Variants in TNFAIP8 observed in about 807,000 individuals in gnomAD.
The protein encoded by TNFAIP8 is TNF alpha induced protein 8, also known as tumor necrosis factor alpha-induced protein 8.
A neutral mutation model predicts 13.3 loss-of-function variants in TNFAIP8; 7 were observed. That is an observed-to-expected ratio of 0.52 (90% CI 0.30 to 0.99). The LOEUF is 0.99. Among genes scored for constraint, TNFAIP8 ranks in the 50% least tolerant of loss-of-function variants. The probability of loss-of-function intolerance (pLI) is 0.07; values close to 1 mark genes in which losing one functional copy is unlikely to be tolerated. For missense variants in TNFAIP8, 258 were observed against 236.9 expected, an observed-to-expected ratio of 1.09 and a Z score of -0.58; for synonymous variants, 94 against 87.6, an observed-to-expected ratio of 1.07 and a Z score of -0.41.
At chr5:119,303,816 A>G (rs1443573794) in intron 1 of TNFAIP8, among the ~76,000 whole-genome samples, 24 of 152,212 alleles carry the variant, frequency 1.6e-4, no homozygotes, top group Admixed American at 1.6e-3. Context: ...AGTAAGAAGT[A>G]AATATGAAAC....
At chr5:119,325,012 T>A (rs2112695747) in intron 1 of TNFAIP8, among the ~76,000 whole-genome samples, 1 of 152,172 alleles carries the variant, frequency 6.6e-6, no homozygotes, top group East Asian at 1.9e-4. Flanking sequence ...GGCAGGAGAA[T>A]TGCTTGAGGC....
chr5:119,303,373 C>G (rs1374156035), intron 1 of TNFAIP8, among the ~76,000 whole-genome samples: 1 of 152,124 alleles, frequency 6.6e-6, no homozygotes, highest in Non-Finnish European at 1.5e-5. Context: ...GGTGTTTCAC[C>G]TCCTTCCTTC....
At chr5:119,373,159 A>G (rs1450713165) in intron 1 of TNFAIP8, among the ~76,000 whole-genome samples, 5 of 152,146 alleles carry the variant, frequency 3.3e-5, no homozygotes, top group Non-Finnish European at 7.3e-5. Context: ...AACCATACCC[A>G]ACCCCTTTTC....
At chr5:119,362,340 G>A (rs1278308314) in intron 1 of TNFAIP8, among the ~76,000 whole-genome samples, 1 of 152,194 alleles carries the variant, frequency 6.6e-6, no homozygotes, top group East Asian at 1.9e-4. Flanking sequence ...AGTGGTACAT[G>A]GGGCCAGTCT....
chr5:119,268,807 C>A (rs372970151), exon 1 of TNFAIP8: 5 of 697,970 alleles, frequency 7.2e-6, no homozygotes, highest in East Asian at 5.4e-5. Context: ...TGGCTAAGGT[C>A]CGCGGGAACC....
intron 1 of TNFAIP8, among the ~76,000 whole-genome samples, chr5:119,317,633 C>T (rs1749938055): frequency 6.6e-6 from 1 of 151,062 alleles, no homozygotes; most frequent in East Asian, 1.9e-4. Context: ...GAGTCTCACT[C>T]TCTTGCCCAG....
At chr5:119,332,957 C>G (rs1728941306) in intron 1 of TNFAIP8, among the ~76,000 whole-genome samples, 1 of 152,164 alleles carries the variant, frequency 6.6e-6, no homozygotes. Context: ...TGTCCAAACT[C>G]TATTCTTAGT....
intron 1 of TNFAIP8, among the ~76,000 whole-genome samples, chr5:119,278,022 G>A (rs959058297): frequency 6.6e-6 from 1 of 152,170 alleles, no homozygotes; most frequent in African/African-American, 2.4e-5. Context: ...TATGAATTTT[G>A]AGGGGAGATA....
chr5:119,314,007 ATAAAATCTAG>A (rs1749808817), intron 1 of TNFAIP8, among the ~76,000 whole-genome samples: 1 of 152,254 alleles, frequency 6.6e-6, no homozygotes, highest in African/African-American at 2.4e-5. Context: ...TGCAACTAGC[ATAAAATCTAG>A]TAGAGGCAGC....
intron 1 of TNFAIP8, among the ~76,000 whole-genome samples, chr5:119,312,154 T>A (rs1273866492): frequency 6.6e-6 from 1 of 151,836 alleles, no homozygotes; most frequent in African/African-American, 2.4e-5. Flanking sequence ...GGAAAAAAAA[T>A]AACCAAATTA....
chr5:119,376,890 CT>C (rs549440027), intron 1 of TNFAIP8, among the ~76,000 whole-genome samples: 12 of 152,162 alleles, frequency 7.9e-5, no homozygotes, highest in Non-Finnish European at 1.3e-4. Flanking sequence ...CAAATGTCGC[CT>C]TTTCGGAAAG....
At chr5:119,272,789 C>T (rs182564055) in intron 1 of TNFAIP8, among the ~76,000 whole-genome samples, 1 of 152,228 alleles carries the variant, frequency 6.6e-6, no homozygotes, top group East Asian at 1.9e-4. Context: ...GGGTGTGTGC[C>T]AAAAAGGTTG....
intron 1 of TNFAIP8, among the ~76,000 whole-genome samples, chr5:119,350,689 C>G (rs755039658): frequency 7.9e-5 from 12 of 152,226 alleles, no homozygotes; most frequent in Admixed American, 1.3e-4. Context: ...TCTTCCCATT[C>G]TCTCAGAATT....
chr5:119,271,209 G>A (rs566588955), intron 1 of TNFAIP8, among the ~76,000 whole-genome samples: 1 of 152,334 alleles, frequency 6.6e-6, no homozygotes, highest in East Asian at 1.9e-4. Context: ...AGGAAAGGGT[G>A]TGTGGAGAGG....
At chr5:119,362,565 G>A (rs1334559632) in intron 1 of TNFAIP8, among the ~76,000 whole-genome samples, 1 of 152,110 alleles carries the variant, frequency 6.6e-6, no homozygotes, top group Non-Finnish European at 1.5e-5. Flanking sequence ...AGAGGTTGAA[G>A]GAGGTGGGTC....
At chr5:119,312,416 C>A (rs1190057811) in intron 1 of TNFAIP8, among the ~76,000 whole-genome samples, 3 of 152,054 alleles carry the variant, frequency 2.0e-5, no homozygotes, top group African/African-American at 7.2e-5. Flanking sequence ...GTGGTAAGTG[C>A]TCACCATATT....
Position 119,362,532 on chromosome 5 carries a change from A to G in TNFAIP8, c.31+6411A>G, listed in dbSNP as rs576360196. On this transcript the variant is annotated intron_variant, in intron 1 of 1. Coordinates refer to ENST00000504771, the MANE Select transcript of TNFAIP8 (RefSeq NM_014350.4). ...AAATTAAGGCTAGGCACAATGGCTC[A>G]CACCTGTAATTACAGCACTTTGAGA... is the stretch of plus-strand genomic sequence containing the variant. Among the ~76,000 whole-genome samples the G allele has an allele frequency of 2.3e-3, 349 of 152,310 alleles. 2 individuals carry two copies. Among genetic ancestry groups the G allele is most frequent in the African/African-American group, 8.0e-3 (333 of 41,584 alleles).
intron 1 of TNFAIP8, among the ~76,000 whole-genome samples, chr5:119,285,363 C>CAGTA (rs1198617633): frequency 6.6e-6 from 1 of 152,126 alleles, no homozygotes; most frequent in Non-Finnish European, 1.5e-5. Flanking sequence ...GAGTCCAAAG[C>CAGTA]TACTGGTAGA....
At chr5:119,291,229 G>C (rs1037281694) in intron 1 of TNFAIP8, among the ~76,000 whole-genome samples, 7 of 152,152 alleles carry the variant, frequency 4.6e-5, no homozygotes, top group African/African-American at 1.7e-4. Flanking sequence ...AGGGCTATAG[G>C]GCCATGTCTT....
Sources: gnomAD v4.1 joint callset for allele counts (sites outside exome capture counted in the v4.1 genomes callset) on GRCh38, gnomAD v4.1.1 for gene constraint, MANE v1.5 for transcripts, NCBI Gene and HGNC (gene_info 2026-07-23, HGNC 2026-07-21) for gene names.